Variants in EXOC6 observed in about 807,000 individuals in gnomAD.
EXOC6 encodes exocyst complex component 6.
A neutral mutation model predicts 112.5 loss-of-function variants in EXOC6; 60 were observed. The ratio of observed to expected loss-of-function variants is 0.53; its 90% CI spans 0.43 to 0.66. The LOEUF (loss-of-function observed/expected upper bound fraction) is 0.66, where lower values mean the gene tolerates loss of function less well. Among genes scored for constraint, EXOC6 ranks in the 30% least tolerant of loss-of-function variants. The pLI is 0.00. For missense variants in EXOC6, 855 were observed against 957.1 expected (o/e 0.89, Z 1.41); for synonymous variants, 295 against 308.0 (o/e 0.96, Z 0.44).
At chr10:92,887,334 T>C (rs1849271825) in intron 1 of EXOC6, among the ~76,000 whole-genome samples, 1 of 152,140 alleles carries the variant, frequency 6.6e-6, no homozygotes, top group South Asian at 2.1e-4. Context: ...TTTTTAATAT[T>C]ACTTTTTATC....
rs185919445 is a variant in EXOC6, at chr10:92,881,981, C to A, written c.102-11368C>A. On this transcript the variant is annotated intron_variant, in intron 1 of 21. Transcript: ENST00000260762. ...CATGTGGAACTGTGAGTCCATTAAA[C>A]CTCTTTTTCTTTATCAATTACCCAG... is the stretch of plus-strand genomic sequence containing the variant. Among the ~76,000 whole-genome samples, 436 of 152,224 alleles carry A rather than the reference C, an allele frequency of 2.9e-3. 2 individuals are homozygous for A. Among genetic ancestry groups the A allele is most frequent in the African/African-American group, 0.01 (418 of 41,526 alleles).
rs747582773 is a variant in EXOC6, at chr10:92,948,349, A to AT, written c.1389dup (p.Pro464SerfsTer8). On this transcript the variant is annotated frameshift_variant, in exon 14 of 22. Transcript: ENST00000260762. LOFTEE classifies it high-confidence loss of function. The stretch of plus-strand genomic sequence containing the variant: ...AAGAATATAAAATTGTCATCAGCAA[A>AT]TTTCCCTTTCAAGATCCAGACCTTG... The AT allele has an allele frequency of 1.9e-6, 3 of 1,606,212 alleles. No homozygotes were observed. The highest frequency in any genetic ancestry group is 2.5e-6 in the Non-Finnish European group (3 of 1,176,502).
At chr10:92,908,038 C>G (rs1278739253) in intron 5 of EXOC6, among the ~76,000 whole-genome samples, 5 of 144,974 alleles carry the variant, frequency 3.4e-5, no homozygotes, top group Non-Finnish European at 6.0e-5. Flanking sequence ...TATTTTAAAA[C>G]AGCTTTTGAA....
chr10:92,856,752 G>C lies in EXOC6; in HGVS notation c.101+8118G>C, dbSNP rs1271846914. Among the ~76,000 whole-genome samples, 3 of 152,212 alleles carry C rather than the reference G, an allele frequency of 2.0e-5. No homozygotes were observed. The South Asian group carries it at 6.2e-4, about 32-fold the overall frequency. On this transcript the variant is annotated intron_variant, in intron 1 of 21. Coordinates refer to ENST00000260762, the MANE Select transcript of EXOC6 (RefSeq NM_019053.6). ...GTCTCCTATTCCCTTTTGGTCTTCT[G>C]CTTAGTTGTTCTATCCATTATTGAA... is the stretch of plus-strand genomic sequence containing the variant.
intron 1 of EXOC6, among the ~76,000 whole-genome samples, chr10:92,828,635 GT>G (rs11361269): frequency 0.27 from 34,845 of 126,982 alleles, 5,758 homozygotes; most frequent in East Asian, 0.74. Flanking sequence ...TGCCCCGCCA[GT>G]TTTTTTTTTT....
intron 14 of EXOC6, 134 bp from the exon 15 acceptor site, chr10:92,952,139 G>A (rs1284578326): frequency 5.1e-6 from 3 of 590,986 alleles, no homozygotes; most frequent in African/African-American, 3.8e-5. Flanking sequence ...TATCAAAAAT[G>A]TAGAAATATA....
At chr10:92,865,938 C>G (rs1363188472) in intron 1 of EXOC6, among the ~76,000 whole-genome samples, 2 of 151,958 alleles carry the variant, frequency 1.3e-5, no homozygotes, top group Admixed American at 6.6e-5. Flanking sequence ...AGTGGGTCAT[C>G]ATAAAAGTCT....
intron 18 of EXOC6, among the ~76,000 whole-genome samples, chr10:92,995,877 T>A (rs574421554): frequency 6.6e-6 from 1 of 152,226 alleles, no homozygotes; most frequent in Non-Finnish European, 1.5e-5. Context: ...GCATAGTGTC[T>A]AAATGCAAAA....
At chr10:92,970,473 G>T (rs1418418380) in intron 17 of EXOC6, among the ~76,000 whole-genome samples, 1 of 152,152 alleles carries the variant, frequency 6.6e-6, no homozygotes, top group Admixed American at 6.5e-5. Flanking sequence ...TGGTATCCGA[G>T]GGAGATCCCG....
At chr10:92,862,776 A>G (rs1423780560) in intron 1 of EXOC6, among the ~76,000 whole-genome samples, 1 of 152,190 alleles carries the variant, frequency 6.6e-6, no homozygotes, top group African/African-American at 2.4e-5. Context: ...TTCATTCATT[A>G]GTTGATGAAC....
chr10:92,843,718 G>A (rs949899599), upstream of EXOC6, among the ~76,000 whole-genome samples: 28 of 152,138 alleles, frequency 1.8e-4, no homozygotes, highest in African/African-American at 6.5e-4. Context: ...GGGCCGTCGC[G>A]GTGGCTCCCG....
chr10:92,895,171 C>A, intron 4 of EXOC6, 151 bp downstream of exon 4: 1 of 619,036 alleles, frequency 1.6e-6, no homozygotes, highest in Non-Finnish European at 2.9e-6. Context: ...TCATTTTATT[C>A]CCTGAATATT....
upstream of EXOC6, among the ~76,000 whole-genome samples, chr10:92,847,835 C>CTTTT (rs3078184): frequency 3.6e-4 from 34 of 93,666 alleles, no homozygotes; most frequent in East Asian, 1.2e-3. Context: ...CGCCCTGGGC[C>CTTTT]TTTTTTTTTT....
intron 8 of EXOC6, among the ~76,000 whole-genome samples, chr10:92,927,256 C>T (rs1360720794): frequency 6.6e-6 from 1 of 152,038 alleles, no homozygotes; most frequent in East Asian, 1.9e-4. Flanking sequence ...TGGTTCTCAA[C>T]CTTTCCTTCT....
chr10:92,893,346 C>T lies in EXOC6; in HGVS notation c.102-3C>T, dbSNP rs371363561. On this transcript the variant is annotated splice_region_variant and splice_polypyrimidine_tract_variant and intron_variant, in intron 1 of 21. Coordinates refer to ENST00000260762, the MANE Select transcript of EXOC6 (RefSeq NM_019053.6). ...TAATTTTAGCTTTCTTATATACATT[C>T]AGGTCTGTGTATGATGACCAACCAA... 1.3e-6 allele frequency: 2 copies of T among 1,596,482 alleles called. No individual in the cohort carries two copies. The highest frequency in any genetic ancestry group is 1.7e-6 in the Non-Finnish European group (2 of 1,171,262).
At chr10:92,988,692 G>C (rs1284955615) in intron 18 of EXOC6, among the ~76,000 whole-genome samples, 1 of 152,022 alleles carries the variant, frequency 6.6e-6, no homozygotes, top group Non-Finnish European at 1.5e-5. Context: ...GGACACGGTG[G>C]CTCATGCCTG....
At chr10:93,051,061 C>T (rs867361141) in intron 20 of EXOC6, among the ~76,000 whole-genome samples, 21 of 151,200 alleles carry the variant, frequency 1.4e-4, no homozygotes, top group African/African-American at 4.8e-4. Context: ...CTATTTTAGC[C>T]ATGGTAGTGA....
intron 1 of EXOC6, among the ~76,000 whole-genome samples, chr10:92,874,034 C>T (rs1017555908): frequency 1.4e-5 from 2 of 144,836 alleles, no homozygotes; most frequent in African/African-American, 5.2e-5. Flanking sequence ...GCCTAGGCGA[C>T]AGAGCAAGAC....
chr10:92,979,472 AT>A (rs1380042656), intron 18 of EXOC6, among the ~76,000 whole-genome samples: 1 of 152,184 alleles, frequency 6.6e-6, no homozygotes, highest in Non-Finnish European at 1.5e-5. Context: ...AACAGTACAG[AT>A]TAATAGATAA....
Sources: gnomAD v4.1 joint callset for allele counts (sites outside exome capture counted in the v4.1 genomes callset) on GRCh38, gnomAD v4.1.1 for gene constraint, MANE v1.5 for transcripts, NCBI Gene and HGNC (gene_info 2026-07-23, HGNC 2026-07-21) for gene names.